STRN: variants seen among roughly 807,000 people sequenced by gnomAD.
STRN encodes the protein striatin.
In STRN, 53 loss-of-function variants were observed where a neutral mutation model predicts 96.3. That is an observed-to-expected ratio of 0.55 (90% CI 0.44 to 0.69). The LOEUF (loss-of-function observed/expected upper bound fraction) is 0.69, where lower values mean the gene tolerates loss of function less well. STRN is among the 30% of genes least tolerant of loss of function. STRN has a pLI of 0.00. For missense variants in STRN, 987 were observed against 963.9 expected (o/e 1.02, Z -0.32); for synonymous variants, 428 against 355.9 (o/e 1.20, Z -2.28).
intron 13 of STRN, among the ~76,000 whole-genome samples, chr2:36,860,238 C>A (rs937971065): frequency 3.3e-5 from 5 of 152,034 alleles, no homozygotes; most frequent in African/African-American, 1.2e-4. Flanking sequence ...ACAAAAGAAA[C>A]TAAAATGAAT....
chr2:36,935,775 A>C (rs1248612963), intron 1 of STRN, among the ~76,000 whole-genome samples: 3 of 152,248 alleles, frequency 2.0e-5, no homozygotes, highest in Admixed American at 6.5e-5. Flanking sequence ...TTTAAAAGAT[A>C]AAAGTTCAAT....
chr2:36,951,858 G>T (rs1294066775), intron 1 of STRN, among the ~76,000 whole-genome samples: 1 of 152,222 alleles, frequency 6.6e-6, no homozygotes, highest in African/African-American at 2.4e-5. Context: ...GGCATAGCAG[G>T]AGGTGAGCAG....
At chr2:36,957,621 G>C (rs1475495098) in intron 1 of STRN, among the ~76,000 whole-genome samples, 1 of 151,264 alleles carries the variant, frequency 6.6e-6, no homozygotes, top group Admixed American at 6.6e-5. Context: ...CCCCAGACTG[G>C]TAATAACTCT....
intron 1 of STRN, among the ~76,000 whole-genome samples, chr2:36,942,825 A>G (rs1188320429): frequency 6.6e-6 from 1 of 152,056 alleles, no homozygotes; most frequent in African/African-American, 2.4e-5. Flanking sequence ...CCTTCTGAGT[A>G]GCTGGGATTA....
chr2:36,906,231 A>G (rs1394957919), intron 3 of STRN, among the ~76,000 whole-genome samples: 1 of 152,186 alleles, frequency 6.6e-6, no homozygotes, highest in Non-Finnish European at 1.5e-5. Context: ...TGGGAGGCCA[A>G]GGCAGGTGGA....
intron 10 of STRN, among the ~76,000 whole-genome samples, chr2:36,875,838 T>G (rs1398914584): frequency 1.3e-5 from 2 of 152,156 alleles, no homozygotes; most frequent in African/African-American, 4.8e-5. Flanking sequence ...TTTGTATTTT[T>G]AGTAGAGACA....
intron 2 of STRN, among the ~76,000 whole-genome samples, chr2:36,924,073 T>C (rs1186623173): frequency 2.0e-5 from 3 of 152,166 alleles, no homozygotes; most frequent in African/African-American, 7.2e-5. Flanking sequence ...AAAAAGTCTA[T>C]AGGCTGGGCA....
At chr2:36,857,735 G>A (rs771493581) in intron 14 of STRN, 121 bp downstream of exon 14, 25 of 795,792 alleles carry the variant, frequency 3.1e-5, no homozygotes, top group Admixed American at 3.2e-5. Flanking sequence ...ATACACTTTC[G>A]TGGCTTCAAA....
intron 2 of STRN, among the ~76,000 whole-genome samples, chr2:36,921,679 G>A (rs1670258875): frequency 6.7e-6 from 1 of 148,782 alleles, no homozygotes; most frequent in African/African-American, 2.5e-5. Context: ...CAGATTTCAT[G>A]GACTCTACTT....
intron 1 of STRN, among the ~76,000 whole-genome samples, chr2:36,925,520 T>A (rs1004196696): frequency 6.6e-6 from 1 of 152,150 alleles, no homozygotes; most frequent in African/African-American, 2.4e-5. Context: ...CTCACACCTG[T>A]AATCCCAGCA....
chr2:36,924,013 G>C (rs1348697761), intron 2 of STRN, among the ~76,000 whole-genome samples: 1 of 152,132 alleles, frequency 6.6e-6, no homozygotes, highest in Admixed American at 6.6e-5. Flanking sequence ...GGTAAGATAA[G>C]CTTCTGGAGA....
At chr2:36,894,102 A>G (rs992402770) in intron 6 of STRN, 69 bp from the exon 7 acceptor site, 6 of 1,524,066 alleles carry the variant, frequency 3.9e-6, no homozygotes, top group Non-Finnish European at 5.3e-6. Context: ...AGAAAATTCA[A>G]TTATTTTCTT....
At chr2:36,891,143 T>C (rs1669385946) in intron 7 of STRN, among the ~76,000 whole-genome samples, 2 of 152,188 alleles carry the variant, frequency 1.3e-5, no homozygotes, top group African/African-American at 4.8e-5. Flanking sequence ...ATTTGGAGCA[T>C]TTCAGATTTC....
At chr2:36,902,799 C>CTA in intron 4 of STRN, 48 bp from the exon 5 acceptor site, 6 of 1,435,656 alleles carry the variant, frequency 4.2e-6, no homozygotes, top group Non-Finnish European at 5.7e-6. Flanking sequence ...AATCAGTATT[C>CTA]TATAATTTAA....
chr2:36,908,559 A>G (rs1572666139), intron 3 of STRN, among the ~76,000 whole-genome samples: 1 of 152,194 alleles, frequency 6.6e-6, no homozygotes, highest in Admixed American at 6.5e-5. Flanking sequence ...AAAACACTAA[A>G]AAGGGTGACT....
At position 36,843,758 on chromosome 2, in the gene STRN, C is replaced by G. The variant is rs1668000464; in HGVS notation, c.*5698G>C. The G allele has an allele frequency of 6.6e-6, 1 of 152,182 alleles. No homozygotes were observed. Among genetic ancestry groups the G allele is most frequent in the Non-Finnish European group, 1.5e-5 (1 of 68,032 alleles). 9.4% of individuals were successfully genotyped at this position (152,182 alleles called of 1,614,324 possible). On this transcript the variant is annotated 3_prime_UTR_variant, in exon 18 of 18. Coordinates refer to ENST00000263918, the MANE Select transcript of STRN (RefSeq NM_003162.4). ...GTAAAGCCACAGCTAGATCCCAAAT[C>G]TGACAAATATTCCAATTCATGAGAC...
chr2:36,897,427 A>C (rs1669569982), intron 6 of STRN, among the ~76,000 whole-genome samples: 1 of 136,070 alleles, frequency 7.3e-6, no homozygotes, highest in Non-Finnish European at 1.6e-5. Flanking sequence ...TCCAAAAAAA[A>C]CTAAAAAATA....
chr2:36,849,687 T>C (rs375237855), intron 17 of STRN, 27 bp downstream of exon 17: 5 of 1,613,374 alleles, frequency 3.1e-6, no homozygotes, highest in Non-Finnish European at 4.2e-6. Flanking sequence ...TAAGGACAAA[T>C]AAATAATCCA....
chr2:36,888,604 T>C (rs1203642837), intron 7 of STRN, among the ~76,000 whole-genome samples: 1 of 151,940 alleles, frequency 6.6e-6, no homozygotes, highest in Non-Finnish European at 1.5e-5. Flanking sequence ...ATGGGGCTTA[T>C]CATGGCCACT....
Sources: allele counts gnomAD v4.1 joint callset (sites outside exome capture counted in the v4.1 genomes callset), GRCh38; gene constraint gnomAD v4.1.1; transcripts MANE v1.5; gene names NCBI Gene and HGNC (gene_info 2026-07-23, HGNC 2026-07-21).